The following IL19 variants were observed in gnomAD, a reference collection of about 807,000 sequenced individuals.
IL19 encodes interleukin-19.
A neutral mutation model predicts 19.5 loss-of-function variants in IL19; 15 were observed. The ratio of observed to expected loss-of-function variants is 0.77; its 90% CI spans 0.52 to 1.19. The LOEUF is 1.19. IL19 is among the 50% of genes most tolerant of loss of function. The pLI is 0.00. For synonymous variants in IL19, 78 were observed against 78.3 expected (o/e 1.00, Z 0.02); for missense variants, 199 against 213.1 (o/e 0.93, Z 0.41).
chr1:206,835,638 A>T (rs1676763922), intron 2 of IL19, among the ~76,000 whole-genome samples: 1 of 152,082 alleles, frequency 6.6e-6, no homozygotes, highest in Non-Finnish European at 1.5e-5. Flanking sequence ...GCCACACACG[A>T]TACACTTACC....
chr1:206,835,798 T>C (rs536099589), intron 2 of IL19, among the ~76,000 whole-genome samples: 1 of 152,222 alleles, frequency 6.6e-6, no homozygotes, highest in Non-Finnish European at 1.5e-5. Context: ...AAAACAGAGA[T>C]AACCCCATAA....
chr1:206,835,175 C>T (rs1017550394), intron 2 of IL19, among the ~76,000 whole-genome samples: 2 of 152,200 alleles, frequency 1.3e-5, no homozygotes, highest in Non-Finnish European at 2.9e-5. Context: ...GCAATATCTG[C>T]CTGCTTCTGA....
At position 206,820,760 on chromosome 1, in the gene IL19, A is replaced by G. The variant is rs567576745; in HGVS notation, c.-2-15901A>G. Among the ~76,000 whole-genome samples the G allele has an allele frequency of 1.4e-4, 21 of 152,330 alleles. No homozygotes were observed. The South Asian group carries it at 4.4e-3, about 32-fold the overall frequency. ...ACTGGCACAATGAGGTTCCTCTAGCACAACTCTGAGAGTCTTGTCAGCTTT... is the reference window on the plus strand; with the variant it reads ...ACTGGCACAATGAGGTTCCTCTAGCGCAACTCTGAGAGTCTTGTCAGCTTT... On this transcript the variant is annotated intron_variant, in intron 2 of 6. Transcript: ENST00000659997.
intron 2 of IL19, among the ~76,000 whole-genome samples, chr1:206,814,625 T>C (rs1240433425): frequency 3.3e-5 from 5 of 149,886 alleles, no homozygotes; most frequent in Non-Finnish European, 7.4e-5. Flanking sequence ...ACCTGGGAGG[T>C]GGAGGTTGTA....
At chr1:206,792,958 A>G (rs1300636263) in intron 1 of IL19, among the ~76,000 whole-genome samples, 1 of 152,230 alleles carries the variant, frequency 6.6e-6, no homozygotes, top group Non-Finnish European at 1.5e-5. Flanking sequence ...GAAATGAAGT[A>G]CTTCGTGGTG....
chr1:206,835,910 G>T (rs1331398486), intron 2 of IL19, among the ~76,000 whole-genome samples: 1 of 152,268 alleles, frequency 6.6e-6, no homozygotes, highest in African/African-American at 2.4e-5. Flanking sequence ...GGCAAGAAGG[G>T]TAAGAGAATG....
chr1:206,812,501 C>T (rs1238950632), intron 2 of IL19, among the ~76,000 whole-genome samples: 1 of 152,206 alleles, frequency 6.6e-6, no homozygotes, highest in Non-Finnish European at 1.5e-5. Flanking sequence ...AATTGGATTG[C>T]TGCCACTCCA....
chr1:206,810,611 A>G (rs1051938717), intron 2 of IL19, among the ~76,000 whole-genome samples: 1 of 152,214 alleles, frequency 6.6e-6, no homozygotes, highest in Non-Finnish European at 1.5e-5. Context: ...CATTGAGTTG[A>G]ATCTCTGATT....
chr1:206,812,865 T>C (rs1303412819), intron 2 of IL19, among the ~76,000 whole-genome samples: 2 of 152,262 alleles, frequency 1.3e-5, no homozygotes, highest in Non-Finnish European at 2.9e-5. Context: ...ATACAGGTTT[T>C]GTTGGAAGTT....
chr1:206,778,146 T>C (rs971469860), intron 1 of IL19, among the ~76,000 whole-genome samples: 1 of 152,166 alleles, frequency 6.6e-6, no homozygotes, highest in Non-Finnish European at 1.5e-5. Context: ...TAAGCGCCCT[T>C]CCGAGGATCA....
At chr1:206,802,434 A>G (rs752918942) in intron 2 of IL19, among the ~76,000 whole-genome samples, 12 of 152,098 alleles carry the variant, frequency 7.9e-5, no homozygotes, top group Non-Finnish European at 1.2e-4. Context: ...CCTCATCAAA[A>G]CGAACAGCAC....
chr1:206,817,994 C>T (rs1676204902), intron 2 of IL19, among the ~76,000 whole-genome samples: 1 of 152,086 alleles, frequency 6.6e-6, no homozygotes, highest in African/African-American at 2.4e-5. Context: ...AAACTCCTGA[C>T]CTCAAGTGAT....
At chr1:206,820,463 T>A (rs906388192) in intron 2 of IL19, among the ~76,000 whole-genome samples, 1 of 152,198 alleles carries the variant, frequency 6.6e-6, no homozygotes, top group African/African-American at 2.4e-5. Context: ...AGCCAAACAA[T>A]GTTTGCTTCT....
At chr1:206,818,428 A>G (rs1228194280) in intron 2 of IL19, among the ~76,000 whole-genome samples, 1 of 152,220 alleles carries the variant, frequency 6.6e-6, no homozygotes, top group Non-Finnish European at 1.5e-5. Context: ...TTCAGTTGAA[A>G]CCAGACAAAA....
At chr1:206,813,920 C>T (rs980631261) in intron 2 of IL19, among the ~76,000 whole-genome samples, 2 of 152,194 alleles carry the variant, frequency 1.3e-5, no homozygotes, top group Non-Finnish European at 2.9e-5. Context: ...AGAAGAAATT[C>T]TCAAGACTGC....
intron 2 of IL19, among the ~76,000 whole-genome samples, chr1:206,800,655 C>T (rs1451378292): frequency 6.6e-6 from 1 of 152,142 alleles, no homozygotes; most frequent in African/African-American, 2.4e-5. Context: ...GGTGATCAAG[C>T]CCTTCCAGAT....
intron 2 of IL19, among the ~76,000 whole-genome samples, chr1:206,834,903 A>G (rs1676732966): frequency 6.6e-6 from 1 of 152,118 alleles, no homozygotes; most frequent in Non-Finnish European, 1.5e-5. Flanking sequence ...CTTCTCTCAA[A>G]CCCTGGCTTG....
intron 1 of IL19, among the ~76,000 whole-genome samples, chr1:206,798,027 C>G (rs1455048435): frequency 1.3e-5 from 2 of 152,218 alleles, no homozygotes; most frequent in Non-Finnish European, 2.9e-5. Flanking sequence ...GAGAGCCCAG[C>G]ACCTTCTGTG....
chr1:206,771,022 T>C lies in IL19; in HGVS notation c.-205T>C. ...GGGCATCACCTCCTCCAGGTAAAACTGGATCATCTCAGACAAGGCTTGGCA... is the reference window on the plus strand; with the variant it reads ...GGGCATCACCTCCTCCAGGTAAAACCGGATCATCTCAGACAAGGCTTGGCA... On this transcript the variant is annotated 5_prime_UTR_variant, in exon 1 of 7. Coordinates refer to ENST00000659997, the MANE Select transcript of IL19 (RefSeq NM_153758.5). The C allele has an allele frequency of 1.9e-6, 3 of 1,614,132 alleles. No homozygotes were observed. Among genetic ancestry groups the C allele is most frequent in the Non-Finnish European group, 2.5e-6 (3 of 1,179,994 alleles).
Sources: allele counts gnomAD v4.1 joint callset (sites outside exome capture counted in the v4.1 genomes callset), GRCh38; gene constraint gnomAD v4.1.1; transcripts MANE v1.5; gene names NCBI Gene and HGNC (gene_info 2026-07-23, HGNC 2026-07-21).